The following FAM135B variants were observed in gnomAD, a reference collection of about 807,000 sequenced individuals.
FAM135B encodes the protein family with sequence similarity 135 member B, also known as protein FAM135B.
Under a neutral mutation model 127.7 loss-of-function variants are expected in FAM135B, and 43 were observed. The ratio of observed to expected loss-of-function variants is 0.34; its 90% CI spans 0.26 to 0.43. The LOEUF (loss-of-function observed/expected upper bound fraction) is 0.43. Ranked by LOEUF, FAM135B falls within the 20% of genes least tolerant of loss-of-function variation. FAM135B has a pLI of 1.00. For synonymous variants in FAM135B, 670 were observed against 665.1 expected, an observed-to-expected ratio of 1.01 and a Z score of -0.11; for missense variants, 1,558 against 1,725.6, an observed-to-expected ratio of 0.90 and a Z score of 1.72.
At chr8:138,477,778 A>C (rs188698913) in intron 1 of FAM135B, among the ~76,000 whole-genome samples, 1 of 152,366 alleles carries the variant, frequency 6.6e-6, no homozygotes, top group African/African-American at 2.4e-5. Context: ...GAATGGAATT[A>C]GGAGAAAGAT....
intron 1 of FAM135B, among the ~76,000 whole-genome samples, chr8:138,408,354 CT>C (rs1833656050): frequency 6.6e-6 from 1 of 152,298 alleles, no homozygotes; most frequent in South Asian, 2.1e-4. Flanking sequence ...TATATCAGTA[CT>C]TGTTCCTTCA....
chr8:138,445,197 G>A (rs1836055651), intron 1 of FAM135B, among the ~76,000 whole-genome samples: 1 of 152,178 alleles, frequency 6.6e-6, no homozygotes, highest in Non-Finnish European at 1.5e-5. Flanking sequence ...GGACCAGACG[G>A]ATTCACAGCC....
chr8:138,468,461 TTA>T (rs1474108323), intron 1 of FAM135B, among the ~76,000 whole-genome samples: 2 of 152,176 alleles, frequency 1.3e-5, no homozygotes, highest in Non-Finnish European at 2.9e-5. Context: ...ATCAATTTCA[TTA>T]TGAGTTTATC....
At chr8:138,491,530 G>A (rs957524838) in intron 1 of FAM135B, among the ~76,000 whole-genome samples, 3 of 152,080 alleles carry the variant, frequency 2.0e-5, no homozygotes, top group Non-Finnish European at 2.9e-5. Flanking sequence ...TCCCTCAATC[G>A]TTTCCTCATT....
chr8:138,132,906 T>A lies in FAM135B; in HGVS notation c.4016-108A>T. The A allele has an allele frequency of 1.1e-6, 1 of 919,430 alleles. No homozygotes were observed. Among genetic ancestry groups the A allele is most frequent in the Non-Finnish European group, 1.7e-6 (1 of 571,542 alleles). 57.0% of individuals were successfully genotyped at this position (919,430 alleles called of 1,614,324 possible). A position where few individuals can be genotyped will look rare whatever the true frequency, so the allele number is the denominator to read the frequency against. ...ATTCTGTTCCTGGGCAGACCTGTTA[T>A]ACAGCAGTTTCCAACCTCTTCCTAA... On this transcript the variant is annotated intron_variant, in intron 19 of 19. Coordinates refer to ENST00000395297, the MANE Select transcript of FAM135B (RefSeq NM_015912.4). This position sits in a 1 kb window ranked among gnomAD's most constrained non-coding sequence, Gnocchi z 4.5.
At chr8:138,473,269 G>A (rs770494061) in intron 1 of FAM135B, among the ~76,000 whole-genome samples, 21 of 151,974 alleles carry the variant, frequency 1.4e-4, no homozygotes, top group Non-Finnish European at 2.5e-4. Context: ...CCACACCCTC[G>A]TTGCCCCAGA....
At chr8:138,449,411 A>G (rs1396128254) in intron 1 of FAM135B, among the ~76,000 whole-genome samples, 1 of 152,028 alleles carries the variant, frequency 6.6e-6, no homozygotes, top group Admixed American at 6.6e-5. Flanking sequence ...AAGGGCTCTG[A>G]GAGAGGACGG....
intron 7 of FAM135B, among the ~76,000 whole-genome samples, chr8:138,224,658 G>A (rs1256407140): frequency 6.6e-6 from 1 of 152,184 alleles, no homozygotes; most frequent in African/African-American, 2.4e-5. Flanking sequence ...CATATGTTAT[G>A]GACTTGATGT....
In FAM135B at chr8:138,148,577, C is replaced by T. The variant is rs2130690347; in HGVS notation, c.3391G>A (p.Glu1131Lys). The T allele has an allele frequency of 6.2e-7, 1 of 1,614,010 alleles. No individual in the cohort carries two copies. Residue 1131 changes from glutamate (E) to lysine (K), a missense_variant, in exon 14 of 20, where the codon GAG (glutamate) becomes AAG (lysine). Coordinates refer to ENST00000395297, the MANE Select transcript of FAM135B (RefSeq NM_015912.4). ...ATTCCATCTTCCAAATTTTCTTCCT[C>T]TTCCTCTGGTGGGAAATATGGTATA... ...SDIPYFPPEE[E>K]EENLEDGIHL...
chr8:138,320,518 C>A (rs896994635), intron 2 of FAM135B, among the ~76,000 whole-genome samples: 1 of 152,182 alleles, frequency 6.6e-6, no homozygotes, highest in Admixed American at 6.5e-5. Context: ...TATCGTCTCT[C>A]GTTTCATGTA....
chr8:138,227,385 A>T (rs1586825692), intron 7 of FAM135B, among the ~76,000 whole-genome samples: 1 of 152,240 alleles, frequency 6.6e-6, no homozygotes, highest in Non-Finnish European at 1.5e-5. Context: ...ATTAGTAGGG[A>T]CATTCATGAA....
intron 1 of FAM135B, among the ~76,000 whole-genome samples, chr8:138,375,285 T>A (rs577253877): frequency 1.3e-5 from 2 of 152,182 alleles, no homozygotes; most frequent in Non-Finnish European, 2.9e-5. Context: ...CCTTTTCTTT[T>A]AGAGCTACAA....
At chr8:138,221,089 T>C (rs1818990678) in intron 7 of FAM135B, among the ~76,000 whole-genome samples, 1 of 152,202 alleles carries the variant, frequency 6.6e-6, no homozygotes, top group Non-Finnish European at 1.5e-5. Flanking sequence ...GCTGACTCTT[T>C]GTATTAGTCT....
At chr8:138,451,412 T>C (rs1836473923) in intron 1 of FAM135B, among the ~76,000 whole-genome samples, 2 of 152,320 alleles carry the variant, frequency 1.3e-5, no homozygotes, top group Non-Finnish European at 2.9e-5. Flanking sequence ...AGCAAGAAGA[T>C]ACTTGAAGAA....
intron 2 of FAM135B, chr8:138,358,327 G>A (rs1458025271): frequency 6.6e-6 from 1 of 152,170 alleles, no homozygotes; most frequent in Admixed American, 6.5e-5. Flanking sequence ...GCTGGAATAA[G>A]TATAAAGTAC....
chr8:138,470,466 T>C (rs1042509631), intron 1 of FAM135B, among the ~76,000 whole-genome samples: 1 of 152,234 alleles, frequency 6.6e-6, no homozygotes, highest in Non-Finnish European at 1.5e-5. Flanking sequence ...TTGCGGATGA[T>C]ATTTTTATAA....
At chr8:138,168,213 T>G (rs901603857) in intron 11 of FAM135B, among the ~76,000 whole-genome samples, 164 bp from the exon 12 acceptor site, 5 of 152,194 alleles carry the variant, frequency 3.3e-5, no homozygotes, top group Non-Finnish European at 4.4e-5. Flanking sequence ...CCCAGAGCCA[T>G]AGTCTGCTTT....
chr8:138,193,358 G>A (rs1307126423), intron 9 of FAM135B, among the ~76,000 whole-genome samples: 1 of 152,146 alleles, frequency 6.6e-6, no homozygotes, highest in Non-Finnish European at 1.5e-5. Flanking sequence ...TGGTGATCCC[G>A]GACTAGGGAA....
At chr8:138,444,288 G>A (rs1383362242) in intron 1 of FAM135B, among the ~76,000 whole-genome samples, 14 of 152,044 alleles carry the variant, frequency 9.2e-5, no homozygotes, top group Non-Finnish European at 1.5e-4. Flanking sequence ...ACTCAGCTCT[G>A]CACCAAGCGG....
Sources: gnomAD v4.1 joint callset for allele counts (sites outside exome capture counted in the v4.1 genomes callset) on GRCh38, gnomAD v4.1.1 for gene constraint, Gnocchi (gnomAD v3.1) non-coding constraint, MANE v1.5 for transcripts, NCBI Gene and HGNC (gene_info 2026-07-23, HGNC 2026-07-21) for gene names.